The following DOCK8 variants were observed in gnomAD, a reference collection of about 807,000 sequenced individuals.
DOCK8 encodes the protein dedicator of cytokinesis protein 8.
DOCK8 carries 141 observed loss-of-function variants against 245.6 expected under a neutral mutation model. That is an observed-to-expected ratio of 0.57 (90% confidence interval 0.50 to 0.66). The LOEUF (loss-of-function observed/expected upper bound fraction) is 0.66, where lower values mean the gene tolerates loss of function less well. Among genes scored for constraint, DOCK8 ranks in the 30% least tolerant of loss-of-function variants. The probability of loss-of-function intolerance (pLI) is 0.00; values close to 1 mark genes in which losing one functional copy is unlikely to be tolerated. For missense variants in DOCK8, 2,965 were observed against 2,603.4 expected (o/e 1.14, Z -3.02); for synonymous variants, 1,168 against 970.2 (o/e 1.20, Z -3.79).
chr9:317,163 G>A (rs368241540), intron 7 of DOCK8, 35 bp downstream of exon 7: 2 of 1,470,680 alleles, frequency 1.4e-6, no homozygotes, highest in Non-Finnish European at 1.9e-6. Flanking sequence ...ACCGCTTTGA[G>A]ATTTATCTTG....
chr9:325,551 T>A, intron 7 of DOCK8, 120 bp from the exon 8 acceptor site: 1 of 840,976 alleles, frequency 1.2e-6, no homozygotes, highest in South Asian at 1.4e-5. Context: ...TACTTGGAGT[T>A]TTCCAAATAT....
At chr9:355,796 C>T (rs535200622) in intron 14 of DOCK8, among the ~76,000 whole-genome samples, 3 of 152,250 alleles carry the variant, frequency 2.0e-5, no homozygotes, top group Admixed American at 6.5e-5. Flanking sequence ...TCCCTAACTC[C>T]CAACCGCACA....
chr9:289,544 C>G lies in DOCK8; in HGVS notation c.367C>G (p.Gln123Glu), dbSNP rs1325722127. 5.0e-6 allele frequency: 8 copies of G among 1,613,270 alleles called. No individual in the cohort carries two copies. The highest frequency in any genetic ancestry group is 6.8e-6 in the Non-Finnish European group (8 of 1,179,582). Residue 123 changes from glutamine (Q) to glutamate (E), a missense_variant, in exon 4 of 48, where the codon CAG (glutamine) becomes GAG (glutamate). Physicochemically the swap from Gln to Glu is conservative, Grantham distance 29. Transcript: ENST00000432829. ...ELDPHVRDCV[Q>E]TYIREWLIVN... ...GGACCCTCATGTCAGGGACTGTGTT[C>G]AGACCTACATCCGTGAGTGGCTAAT... is the stretch of plus-strand genomic sequence containing the variant.
Position 406,152 on chromosome 9 carries a change from T to TA in DOCK8, c.3391-777dup, listed in dbSNP as rs143057811. On this transcript the variant is annotated intron_variant, in intron 27 of 47. Transcript: ENST00000432829. Reference sequence around the variant, plus strand: ...ATACTTCCCTCCCTGACATCACTTGTAGTTCCAGGCCAGCAAAAGTCTGAC... The same window carrying TA: ...ATACTTCCCTCCCTGACATCACTTGTAAGTTCCAGGCCAGCAAAAGTCTGAC... 3.7e-4 allele frequency among the ~76,000 whole-genome samples: 57 copies of TA among 152,318 alleles called. 1 individual carries two copies. In the East Asian group the frequency reaches 9.8e-3, roughly 26 times the overall value.
intron 14 of DOCK8, among the ~76,000 whole-genome samples, chr9:347,598 A>G (rs952120153): frequency 3.3e-5 from 5 of 152,232 alleles, no homozygotes; most frequent in Non-Finnish European, 7.3e-5. Context: ...CGCTTATGGA[A>G]CAGAAGCTTT....
Position 269,080 on chromosome 9 carries a change from A to G in DOCK8, c.54-2547A>G, listed in dbSNP as rs73374522. Among the ~76,000 whole-genome samples, 1,016 of 152,356 alleles carry G rather than the reference A, an allele frequency of 6.7e-3. 10 individuals are homozygous for G. The highest frequency in any genetic ancestry group is 0.023 in the African/African-American group (973 of 41,576). ...CTATATCTATTTAGATATAATTTAT[A>G]TACTACAAAATTCACCCATGTGTAC... is the stretch of plus-strand genomic sequence containing the variant. On this transcript the variant is annotated intron_variant, in intron 1 of 47. Transcript: ENST00000432829.
intron 1 of DOCK8, among the ~76,000 whole-genome samples, chr9:248,931 G>A (rs2047579938): frequency 6.6e-6 from 1 of 152,174 alleles, no homozygotes; most frequent in Non-Finnish European, 1.5e-5. Context: ...TTCATTCTAG[G>A]TGACAGAGTG....
At chr9:422,581 G>T (rs1451065724) in intron 33 of DOCK8, among the ~76,000 whole-genome samples, 1 of 152,188 alleles carries the variant, frequency 6.6e-6, no homozygotes, top group Non-Finnish European at 1.5e-5. Flanking sequence ...AAATGCTCCA[G>T]AATAGAAAAA....
chr9:253,640 CTCT>C (rs2047701790), intron 1 of DOCK8, among the ~76,000 whole-genome samples: 1 of 152,174 alleles, frequency 6.6e-6, no homozygotes, highest in South Asian at 2.1e-4. Flanking sequence ...ATATTCAGCT[CTCT>C]TCTTGTGGGG....
chr9:220,543 G>GTT (rs2046857410), intron 1 of DOCK8, among the ~76,000 whole-genome samples: 1 of 152,088 alleles, frequency 6.6e-6, no homozygotes, highest in Non-Finnish European at 1.5e-5. Context: ...TTAAGGGACC[G>GTT]TGAGAAGGTA....
At chr9:344,624 A>G (rs1424674833) in intron 14 of DOCK8, among the ~76,000 whole-genome samples, 1 of 152,110 alleles carries the variant, frequency 6.6e-6, no homozygotes, top group East Asian at 1.9e-4. Context: ...CCATATCTCA[A>G]AAAACCTGGA....
intron 1 of DOCK8, among the ~76,000 whole-genome samples, chr9:232,850 C>T (rs1217646454): frequency 6.6e-6 from 1 of 152,140 alleles, no homozygotes; most frequent in Admixed American, 6.5e-5. Flanking sequence ...AAAACCAGCT[C>T]CTGGATTCAT....
chr9:331,192 C>A (rs142334120), intron 9 of DOCK8, among the ~76,000 whole-genome samples: 1 of 152,282 alleles, frequency 6.6e-6, no homozygotes, highest in East Asian at 1.9e-4. Context: ...CCAGCTGCTA[C>A]CATATAGAAG....
chr9:305,887 T>G (rs2049803864), intron 5 of DOCK8, among the ~76,000 whole-genome samples: 1 of 152,130 alleles, frequency 6.6e-6, no homozygotes, highest in African/African-American at 2.4e-5. Flanking sequence ...CAAGTATCCA[T>G]CCATAATGAA....
intron 42 of DOCK8, among the ~76,000 whole-genome samples, chr9:442,313 T>C (rs1321616427): frequency 1.3e-5 from 2 of 152,384 alleles, no homozygotes; most frequent in Non-Finnish European, 2.9e-5. Flanking sequence ...TGCTTTCTTA[T>C]CACCCTTTCC....
chr9:336,133 G>T (rs2130892021), intron 11 of DOCK8, among the ~76,000 whole-genome samples: 1 of 152,342 alleles, frequency 6.6e-6, no homozygotes, highest in East Asian at 1.9e-4. Context: ...CTGGGATTCA[G>T]AGTGTACACA....
chr9:218,446 AT>A (rs1563815295), intron 1 of DOCK8, among the ~76,000 whole-genome samples: 1 of 152,122 alleles, frequency 6.6e-6, no homozygotes, highest in Non-Finnish European at 1.5e-5. Flanking sequence ...CTTCATTTCC[AT>A]TTTTTTGTTG....
chr9:378,371 G>A (rs2053602669), intron 20 of DOCK8, among the ~76,000 whole-genome samples: 2 of 152,362 alleles, frequency 1.3e-5, no homozygotes, highest in South Asian at 2.1e-4. Flanking sequence ...AGCACAGTTG[G>A]TGGTGGAACA....
Position 286,644 on chromosome 9 carries a change from G to A in DOCK8, c.332+8G>A, listed in dbSNP as rs2048836257. 2 of 1,613,446 alleles carry A rather than the reference G, an allele frequency of 1.2e-6. No homozygotes were observed. The highest frequency in any genetic ancestry group is 1.7e-5 in the Admixed American group (1 of 59,976). ...CTCTTTGCCGGAGGAAGGGTAAATA[G>A]TTTTCTAAAATGTAGATGTGATTGG... On this transcript the variant is annotated splice_region_variant and intron_variant, in intron 3 of 47. Coordinates refer to ENST00000432829, the MANE Select transcript of DOCK8 (RefSeq NM_203447.4).
Sources: gnomAD v4.1 joint callset for allele counts (sites outside exome capture counted in the v4.1 genomes callset) on GRCh38, gnomAD v4.1.1 for gene constraint, MANE v1.5 for transcripts, NCBI Gene and HGNC (gene_info 2026-07-23, HGNC 2026-07-21) for gene names.